OR14A2: variants seen among roughly 807,000 people sequenced by gnomAD.
OR14A2 encodes the protein olfactory receptor family 14 subfamily A member 2, also known as olfactory receptor 14A2.
For missense variants in OR14A2, 237 were observed against 152.9 expected (o/e 1.55, Z -2.90); for synonymous variants, 114 against 58.6 (o/e 1.95, Z -4.32).
At chr1:247,739,071 T>C in the OR14A2 span, 20 of 780,824 alleles carry the variant, frequency 2.6e-5, no homozygotes, top group African/African-American at 5.1e-5. Flanking sequence ...CAGAGGGGCC[T>C]TGGGACTCTT....
At chr1:247,730,993 T>C in the OR14A2 span, among the ~76,000 whole-genome samples, 1 of 152,146 alleles carries the variant, frequency 6.6e-6, no homozygotes, top group Admixed American at 6.6e-5. Context: ...GGGCACTGTT[T>C]AGTCCAATTG....
chr1:247,724,909 A>C (rs2103201449), upstream of OR14A2, among the ~76,000 whole-genome samples: 1 of 152,182 alleles, frequency 6.6e-6, no homozygotes, highest in South Asian at 2.1e-4. Context: ...AGTGTTTAAA[A>C]TATTTCCCTC....
upstream of OR14A2, among the ~76,000 whole-genome samples, chr1:247,725,288 G>T (rs1660311121): frequency 3.3e-5 from 5 of 151,886 alleles, no homozygotes; most frequent in Admixed American, 6.6e-5. Flanking sequence ...TAAAGGTTAC[G>T]GACATTTGGA....
the OR14A2 span, among the ~76,000 whole-genome samples, chr1:247,733,029 C>G: frequency 5.9e-5 from 9 of 152,052 alleles, no homozygotes; most frequent in South Asian, 4.2e-4. Context: ...TAGTGGGATT[C>G]CTAGATATAA....
At chr1:247,739,798 G>A in the OR14A2 span, among the ~76,000 whole-genome samples, 10 of 151,960 alleles carry the variant, frequency 6.6e-5, no homozygotes, top group Admixed American at 2.0e-4. Context: ...GCAGGGGCGT[G>A]ATCTTGGCTC....
upstream of OR14A2, among the ~76,000 whole-genome samples, chr1:247,724,256 G>T (rs922466718): frequency 2.6e-5 from 4 of 151,962 alleles, no homozygotes; most frequent in African/African-American, 9.7e-5. Context: ...CATGAGTAAT[G>T]TGTAAATTCC....
the OR14A2 span, among the ~76,000 whole-genome samples, chr1:247,740,375 A>C: frequency 1.2e-4 from 19 of 152,320 alleles, no homozygotes; most frequent in African/African-American, 4.6e-4. Context: ...TACAGTTTAA[A>C]AAATGTACTC....
At chr1:247,726,977 G>A (rs1660388307), upstream of OR14A2, among the ~76,000 whole-genome samples, 1 of 147,966 alleles carries the variant, frequency 6.8e-6, no homozygotes, top group African/African-American at 2.6e-5. Flanking sequence ...GATGCCTCCA[G>A]CTTTGTTCTT....
chr1:247,729,228 T>C, the OR14A2 span, among the ~76,000 whole-genome samples: 2 of 152,142 alleles, frequency 1.3e-5, no homozygotes, highest in Admixed American at 6.6e-5. Flanking sequence ...AGCAGTATAA[T>C]CACATGTGTT....
chr1:247,738,309 G>A, the OR14A2 span, among the ~76,000 whole-genome samples: 1 of 152,128 alleles, frequency 6.6e-6, no homozygotes, highest in Non-Finnish European at 1.5e-5. Flanking sequence ...AGCCAACCCT[G>A]TAATTCCCAA....
the OR14A2 span, among the ~76,000 whole-genome samples, chr1:247,731,022 A>T: frequency 2.0e-5 from 3 of 152,154 alleles, no homozygotes; most frequent in African/African-American, 7.2e-5. Context: ...CATAAAATTA[A>T]CTATCATAGC....
At chr1:247,738,177 A>G in the OR14A2 span, among the ~76,000 whole-genome samples, 8 of 152,204 alleles carry the variant, frequency 5.3e-5, no homozygotes, top group Admixed American at 4.6e-4. Flanking sequence ...ACTATTTTAA[A>G]TATTGCAGTA....
exon 1 of OR14A2, chr1:247,724,005 C>T: frequency 1.4e-6 from 1 of 714,580 alleles, no homozygotes; most frequent in Non-Finnish European, 2.6e-6. Flanking sequence ...TAGAAAACCC[C>T]ATAAGAAGAA....
the OR14A2 span, among the ~76,000 whole-genome samples, chr1:247,744,278 A>T: frequency 6.6e-6 from 1 of 152,228 alleles, no homozygotes; most frequent in Non-Finnish European, 1.5e-5. The surrounding 1 kb of genome is among the most constrained non-coding windows in gnomAD (Gnocchi z 4.3). Context: ...ATTTTCACAC[A>T]TATACATGTG....
chr1:247,726,047 A>T (rs1660344345), upstream of OR14A2, among the ~76,000 whole-genome samples: 1 of 143,718 alleles, frequency 7.0e-6, no homozygotes, highest in Non-Finnish European at 1.5e-5. Flanking sequence ...GTATATACCC[A>T]GTAATGGGAT....
the OR14A2 span, among the ~76,000 whole-genome samples, chr1:247,732,448 A>G: frequency 3.9e-5 from 6 of 152,192 alleles, no homozygotes; most frequent in South Asian, 4.2e-4. Context: ...GGTGTTTTTT[A>G]TATTATGTTT....
chr1:247,727,880 T>G (rs1202813502), upstream of OR14A2, among the ~76,000 whole-genome samples: 2 of 146,238 alleles, frequency 1.4e-5, no homozygotes, highest in Non-Finnish European at 3.0e-5. Flanking sequence ...CAGGAAGAAG[T>G]TGAATCTCTG....
At chr1:247,741,551 A>G in the OR14A2 span, among the ~76,000 whole-genome samples, 1 of 152,242 alleles carries the variant, frequency 6.6e-6, no homozygotes, top group African/African-American at 2.4e-5. Context: ...GCACTGGATA[A>G]TGACTATATT....
the OR14A2 span, chr1:247,738,889 T>C: frequency 2.6e-6 from 2 of 780,686 alleles, no homozygotes; most frequent in South Asian, 1.3e-5. Context: ...TCCATCTCCT[T>C]CCTGGGGTGT....
Sources: allele counts gnomAD v4.1 joint callset (sites outside exome capture counted in the v4.1 genomes callset), GRCh38; gene constraint gnomAD v4.1.1; non-coding constraint Gnocchi (gnomAD v3.1); transcripts MANE v1.5; gene names NCBI Gene and HGNC (gene_info 2026-07-23, HGNC 2026-07-21).